The following AMPH variants were observed in gnomAD, a reference collection of about 807,000 sequenced individuals.
The protein encoded by AMPH is amphiphysin, also known as amphiphysin (Stiff-Mann syndrome with breast cancer 128kD autoantigen).
AMPH carries 49 observed loss-of-function variants against 99.1 expected under a neutral mutation model. The ratio of observed to expected loss-of-function variants is 0.49; its 90% confidence interval spans 0.39 to 0.63. The LOEUF (loss-of-function observed/expected upper bound fraction) is 0.63, where lower values mean the gene tolerates loss of function less well. Among genes scored for constraint, AMPH ranks in the 20% least tolerant of loss-of-function variants. AMPH has a pLI of 0.00. For synonymous variants in AMPH, 314 were observed against 317.3 expected (o/e 0.99, Z 0.11); for missense variants, 759 against 863.4 (o/e 0.88, Z 1.52).
intron 17 of AMPH, among the ~76,000 whole-genome samples, chr7:38,400,034 G>T (rs987297557): frequency 6.6e-6 from 1 of 152,054 alleles, no homozygotes; most frequent in African/African-American, 2.4e-5. Context: ...GAGAGTAGGT[G>T]GTGGCTCTCT....
intron 1 of AMPH, among the ~76,000 whole-genome samples, chr7:38,564,687 T>A (rs1376290670): frequency 3.3e-5 from 5 of 152,150 alleles, no homozygotes; most frequent in Non-Finnish European, 7.4e-5. Flanking sequence ...CTACAGGAAA[T>A]AAAGTGTCTC....
At chr7:38,444,808 T>C (rs968876327) in intron 11 of AMPH, among the ~76,000 whole-genome samples, 2 of 151,824 alleles carry the variant, frequency 1.3e-5, no homozygotes, top group Non-Finnish European at 2.9e-5. Flanking sequence ...ATATGGAAAT[T>C]CAAAGGACCT....
intron 14 of AMPH, chr7:38,429,619 A>G (rs1409820753): frequency 3.5e-6 from 5 of 1,443,388 alleles, no homozygotes; most frequent in Non-Finnish European, 4.6e-6. Context: ...AAACAAAAAC[A>G]AAAGATGAAA....
chr7:38,540,171 C>T (rs1269308850), intron 1 of AMPH, among the ~76,000 whole-genome samples: 2 of 152,184 alleles, frequency 1.3e-5, no homozygotes, highest in Non-Finnish European at 2.9e-5. Flanking sequence ...AGTTCAGTGC[C>T]TCGTGCATTT....
chr7:38,573,909 A>G (rs928230930), intron 1 of AMPH, among the ~76,000 whole-genome samples: 4 of 152,182 alleles, frequency 2.6e-5, no homozygotes, highest in African/African-American at 9.7e-5. Context: ...AGTAGCTACT[A>G]TTATCATCCC....
At chr7:38,459,682 T>C (rs1787366246) in intron 11 of AMPH, among the ~76,000 whole-genome samples, 1 of 152,122 alleles carries the variant, frequency 6.6e-6, no homozygotes, top group African/African-American at 2.4e-5. Flanking sequence ...TCCTGATATA[T>C]AAAAATCAAC....
chr7:38,451,058 A>AT (rs754144389), intron 11 of AMPH, among the ~76,000 whole-genome samples: 2,974 of 137,860 alleles, frequency 0.022, 98 homozygotes, highest in African/African-American at 0.068. Context: ...ATGCCCAGCT[A>AT]TTTTTTTTTT....
Position 38,384,812 on chromosome 7 carries a change from G to T in AMPH, c.*6C>A. ...AACTGAGCTCCTTCTTGCAGTACTT[G>T]TTGCCCTAATCTAAGCGTCGGGTGA... On this transcript the variant is annotated 3_prime_UTR_variant, in exon 21 of 21. Coordinates refer to ENST00000356264, the MANE Select transcript of AMPH (RefSeq NM_001635.4). 1.2e-6 allele frequency: 2 copies of T among 1,612,438 alleles called. No individual in the cohort carries two copies. Among genetic ancestry groups the T allele is most frequent in the Non-Finnish European group, 1.7e-6 (2 of 1,178,514 alleles).
rs138978639 is a variant in AMPH at position 38,530,018 on chromosome 7, C to T, written c.150+4913G>A. On this transcript the variant is annotated intron_variant, in intron 2 of 20. Coordinates refer to ENST00000356264, the MANE Select transcript of AMPH (RefSeq NM_001635.4). ...ATATACCAGGTTCTTAAAAATGTCA[C>T]GAAACCGCTTGCAAAAATACATACC... is the stretch of plus-strand genomic sequence containing the variant. 7.1e-3 allele frequency among the ~76,000 whole-genome samples: 1,075 copies of T among 152,190 alleles called. 15 individuals carry two copies. Among genetic ancestry groups the T allele is most frequent in the African/African-American group, 0.024 (1,013 of 41,528 alleles).
intron 1 of AMPH, among the ~76,000 whole-genome samples, chr7:38,565,612 C>T (rs997335474): frequency 8.6e-5 from 13 of 150,378 alleles, no homozygotes; most frequent in African/African-American, 3.2e-4. Flanking sequence ...TCACCTCTTT[C>T]AGGGCCCTAG....
chr7:38,480,759 C>G (rs1788255380), intron 5 of AMPH, among the ~76,000 whole-genome samples: 1 of 152,132 alleles, frequency 6.6e-6, no homozygotes, highest in Admixed American at 6.6e-5. Flanking sequence ...AGGCTCATTA[C>G]TTTTAGCAAA....
chr7:38,580,512 G>T (rs964308296), intron 1 of AMPH, among the ~76,000 whole-genome samples: 2 of 152,114 alleles, frequency 1.3e-5, no homozygotes, highest in Non-Finnish European at 1.5e-5. Flanking sequence ...CCCATATCAA[G>T]CCTGGGGTCG....
intron 5 of AMPH, among the ~76,000 whole-genome samples, chr7:38,489,706 C>A (rs10232219): frequency 6.6e-6 from 1 of 152,030 alleles, no homozygotes; most frequent in East Asian, 1.9e-4. Flanking sequence ...ACTTAAAAAT[C>A]GGCAATGGAC....
chr7:38,560,411 C>G (rs1280887192), intron 1 of AMPH, among the ~76,000 whole-genome samples: 1 of 152,128 alleles, frequency 6.6e-6, no homozygotes, highest in Non-Finnish European at 1.5e-5. Flanking sequence ...CAGCCCAGAC[C>G]AGGAGAATTC....
At chr7:38,580,733 A>G (rs749618993) in intron 1 of AMPH, among the ~76,000 whole-genome samples, 2 of 152,032 alleles carry the variant, frequency 1.3e-5, no homozygotes, top group African/African-American at 2.4e-5. Context: ...GAAGTCAGGA[A>G]TAGTTGTACT....
intron 11 of AMPH, among the ~76,000 whole-genome samples, chr7:38,452,301 C>T (rs1034865141): frequency 3.9e-5 from 6 of 152,178 alleles, no homozygotes; most frequent in Non-Finnish European, 7.3e-5. Context: ...GACGGATCAT[C>T]CTATATTGCT....
At chr7:38,500,898 G>T (rs961262985) in intron 3 of AMPH, among the ~76,000 whole-genome samples, 4 of 152,218 alleles carry the variant, frequency 2.6e-5, no homozygotes, top group Admixed American at 6.5e-5. Context: ...ATATGGCTAT[G>T]TTGGGAAGTT....
At chr7:38,420,842 A>G (rs1164708558) in intron 16 of AMPH, 12 of 408,782 alleles carry the variant, frequency 2.9e-5, no homozygotes, top group African/African-American at 8.2e-5. Flanking sequence ...CCTGTACTCA[A>G]AAGATGTCCT....
At chr7:38,404,921 A>T (rs1052332693) in intron 17 of AMPH, among the ~76,000 whole-genome samples, 6 of 152,206 alleles carry the variant, frequency 3.9e-5, no homozygotes, top group Admixed American at 3.9e-4. Context: ...AGTATCCAAG[A>T]TCAACACTAA....
Sources: gnomAD v4.1 joint callset for allele counts (sites outside exome capture counted in the v4.1 genomes callset) on GRCh38, gnomAD v4.1.1 for gene constraint, MANE v1.5 for transcripts, NCBI Gene and HGNC (gene_info 2026-07-23, HGNC 2026-07-21) for gene names.